Variants in CDK19 observed in about 807,000 individuals in gnomAD.
CDK19 encodes cyclin dependent kinase 19, also known as cyclin-dependent kinase 19.
CDK19 carries 20 observed loss-of-function variants against 68.3 expected under a neutral mutation model. The ratio of observed to expected loss-of-function variants is 0.29; its 90% CI spans 0.21 to 0.43. The LOEUF is 0.43. Ranked by LOEUF, CDK19 falls within the 20% of genes least tolerant of loss-of-function variation. The pLI, the probability that CDK19 is intolerant of heterozygous loss-of-function variation, is 1.00. For missense variants in CDK19, 339 were observed against 623.5 expected (o/e 0.54, Z 4.86); for synonymous variants, 221 against 222.8 (o/e 0.99, Z 0.07).
At chr6:110,640,732 T>A (rs1182898515) in intron 4 of CDK19, among the ~76,000 whole-genome samples, 2 of 151,990 alleles carry the variant, frequency 1.3e-5, no homozygotes, top group East Asian at 3.9e-4. Context: ...AGGAGGATCG[T>A]TTAAGCCCAG....
chr6:110,675,610 A>C (rs1771449117), intron 2 of CDK19, among the ~76,000 whole-genome samples: 1 of 148,570 alleles, frequency 6.7e-6, no homozygotes, highest in African/African-American at 2.5e-5. Flanking sequence ...CTGGGCAACA[A>C]GAATGAGACT....
At chr6:110,759,705 T>G (rs559500815) in intron 1 of CDK19, among the ~76,000 whole-genome samples, 1 of 151,944 alleles carries the variant, frequency 6.6e-6, no homozygotes, top group Non-Finnish European at 1.5e-5. Flanking sequence ...TACTTTTTGA[T>G]TTTTCCATAA....
At chr6:110,703,327 G>T (rs534806827) in intron 2 of CDK19, among the ~76,000 whole-genome samples, 1 of 151,980 alleles carries the variant, frequency 6.6e-6, no homozygotes, top group Non-Finnish European at 1.5e-5. Flanking sequence ...TTTGAATAGG[G>T]TGCTTAGGGA....
At chr6:110,801,513 TTG>T (rs1228081463) in intron 1 of CDK19, among the ~76,000 whole-genome samples, 1 of 150,438 alleles carries the variant, frequency 6.6e-6, no homozygotes, top group Non-Finnish European at 1.5e-5. Flanking sequence ...ACAGGTTTTT[TTG>T]TGTGTTTTTT....
chr6:110,764,463 T>G (rs1779435522), intron 1 of CDK19, among the ~76,000 whole-genome samples: 1 of 152,028 alleles, frequency 6.6e-6, no homozygotes, highest in South Asian at 2.1e-4. Flanking sequence ...ACAAATATAC[T>G]CACATGTTCG....
intron 1 of CDK19, among the ~76,000 whole-genome samples, chr6:110,759,424 A>ATAT (rs1294151959): frequency 5.6e-5 from 6 of 107,958 alleles, no homozygotes; most frequent in South Asian, 2.6e-4. Context: ...AAAAAAAAAA[A>ATAT]AAAAATATAT....
At position 110,736,160 on chromosome 6, in the gene CDK19, G is replaced by C. The variant is rs137872086; in HGVS notation, c.204+9966C>G. On this transcript the variant is annotated intron_variant, in intron 2 of 12. Transcript: ENST00000368911. ...AGTTCGAGACCAGCCTGACCAATATGGAGAAACCCTGTCTCTACTAAAAAT... is the reference window on the plus strand; with the variant it reads ...AGTTCGAGACCAGCCTGACCAATATCGAGAAACCCTGTCTCTACTAAAAAT... Among the ~76,000 whole-genome samples, 1,463 of 152,212 alleles carry C rather than the reference G, an allele frequency of 9.6e-3. 17 individuals are homozygous for C. The highest frequency in any genetic ancestry group is 0.033 in the African/African-American group (1,353 of 41,526).
chr6:110,774,756 C>T (rs1015899000), intron 1 of CDK19, among the ~76,000 whole-genome samples: 13 of 152,210 alleles, frequency 8.5e-5, no homozygotes, highest in African/African-American at 2.7e-4. Context: ...TCAAGACCAG[C>T]ATGGACAACA....
intron 2 of CDK19, among the ~76,000 whole-genome samples, chr6:110,741,131 G>A (rs1777629706): frequency 6.6e-6 from 1 of 151,930 alleles, no homozygotes; most frequent in Non-Finnish European, 1.5e-5. Context: ...AGAGAAGAGA[G>A]AAAGGAAAGG....
At chr6:110,677,416 A>G (rs1771620838) in intron 2 of CDK19, among the ~76,000 whole-genome samples, 1 of 151,962 alleles carries the variant, frequency 6.6e-6, no homozygotes, top group Non-Finnish European at 1.5e-5. Context: ...ACAAAAAAAA[A>G]TTAGCTGGGC....
At chr6:110,742,983 G>A (rs1030850407) in intron 2 of CDK19, among the ~76,000 whole-genome samples, 3 of 151,940 alleles carry the variant, frequency 2.0e-5, no homozygotes, top group East Asian at 1.9e-4. Flanking sequence ...CTGGTTTTGC[G>A]GCTCAGGGGA....
intron 4 of CDK19, among the ~76,000 whole-genome samples, chr6:110,639,268 G>A (rs1410659876): frequency 2.6e-5 from 4 of 152,112 alleles, no homozygotes; most frequent in Non-Finnish European, 5.9e-5. Context: ...ACTATAAAAA[G>A]AAAAGAGTAG....
chr6:110,639,950 C>A (rs145653831), intron 4 of CDK19, among the ~76,000 whole-genome samples: 58 of 152,286 alleles, frequency 3.8e-4, no homozygotes, highest in African/African-American at 1.4e-3. Flanking sequence ...CAGTGGCTCA[C>A]ACCTGTTATC....
At chr6:110,625,425 T>C (rs1377366943) in intron 8 of CDK19, among the ~76,000 whole-genome samples, 1 of 151,830 alleles carries the variant, frequency 6.6e-6, no homozygotes, top group East Asian at 1.9e-4. Context: ...CCTCCCAAAG[T>C]GTGAGGATTA....
intron 4 of CDK19, among the ~76,000 whole-genome samples, chr6:110,662,078 T>C (rs1466756891): frequency 6.6e-6 from 1 of 152,214 alleles, no homozygotes; most frequent in Non-Finnish European, 1.5e-5. Context: ...CAAGCGATTC[T>C]CCTGCCTCAG....
At chr6:110,757,265 T>C (rs1313820557) in intron 1 of CDK19, among the ~76,000 whole-genome samples, 4 of 151,986 alleles carry the variant, frequency 2.6e-5, no homozygotes. Flanking sequence ...GTAAACACCA[T>C]CCTACAAAAG....
intron 2 of CDK19, among the ~76,000 whole-genome samples, chr6:110,677,836 A>C (rs1245778447): frequency 6.6e-6 from 1 of 152,048 alleles, no homozygotes; most frequent in Non-Finnish European, 1.5e-5. Context: ...TTGAAGACAA[A>C]TACAATTTTT....
chr6:110,709,297 C>T (rs1199804033), intron 2 of CDK19, among the ~76,000 whole-genome samples: 1 of 152,072 alleles, frequency 6.6e-6, no homozygotes, highest in African/African-American at 2.4e-5. Flanking sequence ...TCCTGTTCAA[C>T]AGAGTGTGAT....
intron 5 of CDK19, among the ~76,000 whole-genome samples, chr6:110,635,020 A>G (rs1023923476): frequency 6.6e-6 from 1 of 152,242 alleles, no homozygotes; most frequent in Non-Finnish European, 1.5e-5. Context: ...TTTAGACAAA[A>G]GGTAATTAGC....
Sources: gnomAD v4.1 joint callset for allele counts (sites outside exome capture counted in the v4.1 genomes callset) on GRCh38, gnomAD v4.1.1 for gene constraint, MANE v1.5 for transcripts, NCBI Gene and HGNC (gene_info 2026-07-23, HGNC 2026-07-21) for gene names.